The following MAP3K13 variants were observed in gnomAD, a reference collection of about 807,000 sequenced individuals.
MAP3K13 encodes the protein mitogen-activated protein kinase kinase kinase 13.
MAP3K13 carries 52 observed loss-of-function variants against 104.0 expected under a neutral mutation model. The ratio of observed to expected loss-of-function variants is 0.50; its 90% CI spans 0.40 to 0.63. The LOEUF (loss-of-function observed/expected upper bound fraction) is 0.63, where lower values mean the gene tolerates loss of function less well. Ranked by LOEUF, MAP3K13 falls within the 20% of genes least tolerant of loss-of-function variation. The pLI is 0.00. For synonymous variants in MAP3K13, 394 were observed against 442.2 expected, an observed-to-expected ratio of 0.89 and a Z score of 1.37; for missense variants, 914 against 1,218.5, an observed-to-expected ratio of 0.75 and a Z score of 3.72.
intron 1 of MAP3K13, among the ~76,000 whole-genome samples, chr3:185,394,847 G>A (rs1483510739): frequency 1.3e-5 from 2 of 152,116 alleles, no homozygotes; most frequent in African/African-American, 4.8e-5. Flanking sequence ...TCTACTGACT[G>A]TGTAACATTA....
chr3:185,415,963 A>G (rs746455624), intron 1 of MAP3K13, among the ~76,000 whole-genome samples: 16 of 152,122 alleles, frequency 1.1e-4, no homozygotes, highest in Non-Finnish European at 1.6e-4. Context: ...CTTCCTTTTT[A>G]TGTGTGCAAT....
intron 1 of MAP3K13, among the ~76,000 whole-genome samples, chr3:185,384,322 G>GTGTGTGTC (rs1553797004): frequency 1.3e-5 from 2 of 151,852 alleles, no homozygotes; most frequent in Admixed American, 1.3e-4. Context: ...GTGTGTGTGT[G>GTGTGTGTC]TGTGTGTGTG....
chr3:185,307,931 G>T (rs1273080059), intron 2 of MAP3K13, among the ~76,000 whole-genome samples: 1 of 148,268 alleles, frequency 6.7e-6, no homozygotes, highest in African/African-American at 2.5e-5. Flanking sequence ...CTGTCCTCTT[G>T]TAGTGCATTG....
At chr3:185,458,268 T>G (rs1172460064) in intron 7 of MAP3K13, among the ~76,000 whole-genome samples, 1 of 149,514 alleles carries the variant, frequency 6.7e-6, no homozygotes, top group Non-Finnish European at 1.5e-5. Flanking sequence ...CTTGGGAGGC[T>G]GAGACACAAG....
At chr3:185,427,968 A>G (rs905798139) in intron 1 of MAP3K13, among the ~76,000 whole-genome samples, 5 of 152,200 alleles carry the variant, frequency 3.3e-5, no homozygotes, top group African/African-American at 1.2e-4. Context: ...AATCCCAGCT[A>G]CTTGGGAGGC....
At chr3:185,326,166 C>T (rs745782904) in intron 2 of MAP3K13, among the ~76,000 whole-genome samples, 57 of 152,220 alleles carry the variant, frequency 3.7e-4, no homozygotes, top group Middle Eastern at 3.4e-3. Context: ...CTGGAATGTC[C>T]GTCCCGGGAG....
At chr3:185,455,752 A>G (rs1716650385) in intron 7 of MAP3K13, among the ~76,000 whole-genome samples, 1 of 21,406 alleles carries the variant, frequency 4.7e-5, no homozygotes, top group Admixed American at 6.7e-4. Context: ...TATATATGAT[A>G]TATATATGAG....
chr3:185,464,730 T>C (rs1454247851), intron 8 of MAP3K13, among the ~76,000 whole-genome samples: 7 of 152,194 alleles, frequency 4.6e-5, no homozygotes, highest in Middle Eastern at 3.2e-3. Flanking sequence ...CTGAATGCTA[T>C]AACGAACTTT....
intron 4 of MAP3K13, among the ~76,000 whole-genome samples, chr3:185,446,400 C>T (rs986289385): frequency 1.2e-4 from 19 of 152,166 alleles, no homozygotes; most frequent in Non-Finnish European, 2.5e-4. Context: ...GGACTACAAG[C>T]GCCCGCCACC....
chr3:185,373,166 G>A (rs1724240791), intron 1 of MAP3K13, among the ~76,000 whole-genome samples: 1 of 152,208 alleles, frequency 6.6e-6, no homozygotes, highest in South Asian at 2.1e-4. Context: ...GGATTTGTCA[G>A]AGACTGGGAA....
chr3:185,336,622 T>C (rs952001835), intron 2 of MAP3K13, among the ~76,000 whole-genome samples: 8 of 151,476 alleles, frequency 5.3e-5, no homozygotes, highest in African/African-American at 1.9e-4. Flanking sequence ...CTGTTATAGA[T>C]ATCAGTTTCT....
intron 2 of MAP3K13, among the ~76,000 whole-genome samples, chr3:185,300,181 CTTCTT>C (rs1194095974): frequency 6.7e-6 from 1 of 148,756 alleles, no homozygotes; most frequent in Non-Finnish European, 1.5e-5. Flanking sequence ...ATAGGATTTC[CTTCTT>C]TTCTTTTTTT....
chr3:185,458,949 A>G (rs539458401), intron 7 of MAP3K13, among the ~76,000 whole-genome samples: 7 of 152,366 alleles, frequency 4.6e-5, no homozygotes, highest in African/African-American at 1.4e-4. Flanking sequence ...CCAAATAGGC[A>G]ATTACTGTTC....
Position 185,450,127 on chromosome 3 carries a change from G to A in MAP3K13, c.1169+69G>A. ...TATTTGGAGTAAATATCCTGGTGGT[G>A]GAAAGAATAGGAGCTTTGGAGTAGG... On this transcript the variant is annotated intron_variant, in intron 6 of 13. Coordinates refer to ENST00000265026, the MANE Select transcript of MAP3K13 (RefSeq NM_004721.5). This position sits in a 1 kb window ranked among gnomAD's most constrained non-coding sequence, Gnocchi z 4.2. The A allele has an allele frequency of 7.2e-7, 1 of 1,383,488 alleles. No homozygotes were observed. The highest frequency in any genetic ancestry group is 9.7e-7 in the Non-Finnish European group (1 of 1,032,574). The allele number at this position is 1,383,488 out of a possible 1,614,324, so 85.7% of individuals were successfully genotyped here. A position where few individuals can be genotyped will look rare whatever the true frequency, so the allele number is the denominator to read the frequency against.
chr3:185,458,642 A>T (rs1395889196), intron 7 of MAP3K13, among the ~76,000 whole-genome samples: 1 of 152,122 alleles, frequency 6.6e-6, no homozygotes, highest in Non-Finnish European at 1.5e-5. Context: ...TTCTCTTTCT[A>T]TAGTCCTCTT....
intron 2 of MAP3K13, among the ~76,000 whole-genome samples, chr3:185,294,395 G>A (rs984047274): frequency 6.6e-6 from 1 of 152,142 alleles, no homozygotes; most frequent in South Asian, 2.1e-4. Context: ...GTACTGAAAT[G>A]CTGTCTTTAG....
chr3:185,342,961 G>C (rs1159702167), intron 2 of MAP3K13, among the ~76,000 whole-genome samples: 2 of 152,122 alleles, frequency 1.3e-5, no homozygotes, highest in African/African-American at 4.8e-5. Flanking sequence ...TGTGGTTGTA[G>C]TACCGAGAAC....
intron 1 of MAP3K13, among the ~76,000 whole-genome samples, chr3:185,386,552 A>G (rs113112294): frequency 1.2e-3 from 187 of 152,342 alleles, no homozygotes; most frequent in African/African-American, 4.4e-3. Flanking sequence ...ATTACTGGGT[A>G]TATACCCAAA....
At chr3:185,319,031 T>C (rs1382593977) in intron 2 of MAP3K13, among the ~76,000 whole-genome samples, 1 of 152,230 alleles carries the variant, frequency 6.6e-6, no homozygotes, top group Non-Finnish European at 1.5e-5. Flanking sequence ...CATTTCTATA[T>C]ATCCCTAAAC....
Sources: gnomAD v4.1 joint callset for allele counts (sites outside exome capture counted in the v4.1 genomes callset) on GRCh38, gnomAD v4.1.1 for gene constraint, Gnocchi (gnomAD v3.1) non-coding constraint, MANE v1.5 for transcripts, NCBI Gene and HGNC (gene_info 2026-07-23, HGNC 2026-07-21) for gene names.